Variants in PCDHA8 observed in about 807,000 individuals in gnomAD.
The protein encoded by PCDHA8 is protocadherin alpha-8.
In PCDHA8, 53 loss-of-function variants were observed where a neutral mutation model predicts 61.8. The ratio of observed to expected loss-of-function variants is 0.86; its 90% CI spans 0.69 to 1.08. The LOEUF is 1.08. Among genes scored for constraint, PCDHA8 ranks in the 50% least tolerant of loss-of-function variants. PCDHA8 has a pLI of 0.00. For synonymous variants in PCDHA8, 618 were observed against 556.6 expected, an observed-to-expected ratio of 1.11 and a Z score of -1.55; for missense variants, 1,293 against 1,245.0, an observed-to-expected ratio of 1.04 and a Z score of -0.58.
rs189094380 is a variant in PCDHA8 at position 140,918,016 on chromosome 5, T to C, written c.2395-60933T>C. Among the ~76,000 whole-genome samples the C allele has an allele frequency of 1.3e-4, 20 of 152,344 alleles. No individual in the cohort carries two copies. The East Asian group carries it at 3.9e-3, about 29-fold the overall frequency. ...TTATCTTAACAATGTTGTTTCTTCC[T>C]ACCCATGAGCGTGGAAGGTCTTTCC... On this transcript the variant is annotated intron_variant, in intron 1 of 3. Transcript: ENST00000531613.
chr5:140,989,681 A>C (rs1428237884), intron 3 of PCDHA8, among the ~76,000 whole-genome samples: 1 of 152,250 alleles, frequency 6.6e-6, no homozygotes, highest in Non-Finnish European at 1.5e-5. Flanking sequence ...CAGATTTCAA[A>C]GGAACGTGAA....
rs191873949 is a variant in PCDHA8 at position 140,855,986 on chromosome 5, G to T, written c.2394+12271G>T. On this transcript the variant is annotated intron_variant, in intron 1 of 3. Transcript: ENST00000531613. ...AGATATAAGAAATAGGACAGAAAATGTCAGATCGTATGTGCGTTCTAGACC... is the reference window on the plus strand; with the variant it reads ...AGATATAAGAAATAGGACAGAAAATTTCAGATCGTATGTGCGTTCTAGACC... The T allele has an allele frequency of 1.8e-5, 27 of 1,477,576 alleles. 1 individual carries two copies. Among genetic ancestry groups the T allele is most frequent in the South Asian group, 1.6e-4 (12 of 75,402 alleles). The allele number at this position is 1,477,576 out of a possible 1,614,324, so 91.5% of individuals were successfully genotyped here. A position where few individuals can be genotyped will look rare whatever the true frequency, so the allele number is the denominator to read the frequency against.
chr5:141,006,002 G>T (rs185630910), intron 3 of PCDHA8, among the ~76,000 whole-genome samples: 1 of 151,740 alleles, frequency 6.6e-6, no homozygotes, highest in East Asian at 1.9e-4. Context: ...CTGAAAGAAG[G>T]CCTGTATGGT....
intron 3 of PCDHA8, among the ~76,000 whole-genome samples, chr5:140,999,693 A>AT (rs202183337): frequency 0.011 from 1,632 of 151,520 alleles, 13 homozygotes; most frequent in Middle Eastern, 0.058. Flanking sequence ...AAGAAATGTG[A>AT]TTTTTTTTTA....
intron 1 of PCDHA8, among the ~76,000 whole-genome samples, chr5:140,932,118 A>C (rs2088050775): frequency 6.6e-6 from 1 of 151,946 alleles, no homozygotes; most frequent in African/African-American, 2.4e-5. Flanking sequence ...CCAATTGATA[A>C]TATTTAAGAT....
chr5:140,925,397 C>T (rs2082477792), intron 1 of PCDHA8, among the ~76,000 whole-genome samples: 1 of 152,048 alleles, frequency 6.6e-6, no homozygotes, highest in African/African-American at 2.4e-5. Flanking sequence ...TTTGGCTCGC[C>T]TCCTTCTTAG....
intron 1 of PCDHA8, among the ~76,000 whole-genome samples, chr5:140,912,376 G>A (rs2075897019): frequency 6.6e-6 from 1 of 151,474 alleles, no homozygotes; most frequent in African/African-American, 2.4e-5. Context: ...TTGTAAAAGG[G>A]ATTGAGTTCT....
chr5:141,003,540 T>A (rs2098129225), intron 3 of PCDHA8, among the ~76,000 whole-genome samples: 1 of 152,188 alleles, frequency 6.6e-6, no homozygotes, highest in Non-Finnish European at 1.5e-5. Flanking sequence ...CTTGAACTCC[T>A]GGCTTCAAGT....
At chr5:141,003,467 A>G (rs1262411574) in intron 3 of PCDHA8, among the ~76,000 whole-genome samples, 1 of 152,036 alleles carries the variant, frequency 6.6e-6, no homozygotes, top group Non-Finnish European at 1.5e-5. Context: ...GTGCACCACC[A>G]CAGTCTCGCT....
intron 1 of PCDHA8, chr5:140,862,693 T>C (rs2047494827): frequency 1.8e-6 from 1 of 555,404 alleles, no homozygotes; most frequent in African/African-American, 1.9e-5. Flanking sequence ...GTCCTACTCG[T>C]TGATGGAACA....
chr5:140,976,453 G>A (rs1554237653), intron 1 of PCDHA8, among the ~76,000 whole-genome samples: 1 of 152,032 alleles, frequency 6.6e-6, no homozygotes, highest in Admixed American at 6.6e-5. Flanking sequence ...AGGGAGGCTG[G>A]GGAAGAAGAA....
At position 140,850,713 on chromosome 5, in the gene PCDHA8, G is replaced by T. The variant is rs186966305; in HGVS notation, c.2394+6998G>T. 415 of 1,598,196 alleles carry T rather than the reference G, an allele frequency of 2.6e-4. 13 individuals are homozygous for T. The East Asian group carries it at 6.7e-3, about 26-fold the overall frequency. ...GTGCGCGCCTGGCAAGCCGACGCTGGTGTGTTCTAGCGCGGTGGGGAGTTG... is the reference window on the plus strand; with the variant it reads ...GTGCGCGCCTGGCAAGCCGACGCTGTTGTGTTCTAGCGCGGTGGGGAGTTG... On this transcript the variant is annotated intron_variant, in intron 1 of 3. Coordinates refer to ENST00000531613, the MANE Select transcript of PCDHA8 (RefSeq NM_018911.3).
intron 3 of PCDHA8, among the ~76,000 whole-genome samples, chr5:141,007,925 G>T (rs2098351885): frequency 1.3e-5 from 2 of 152,138 alleles, no homozygotes; most frequent in South Asian, 4.2e-4. Context: ...ATATAAGCTG[G>T]AATTCTAAGC....
chr5:140,929,283 G>C lies in PCDHA8; in HGVS notation c.2395-49666G>C, dbSNP rs782178876. On this transcript the variant is annotated intron_variant, in intron 1 of 3. Coordinates refer to ENST00000531613, the MANE Select transcript of PCDHA8 (RefSeq NM_018911.3). ...TGAATTTGCCAATATCCTGTATTCA[G>C]ATTCGGAATAGGAAAGGGGATCACG... 52 of 1,600,904 alleles carry C rather than the reference G, an allele frequency of 3.2e-5. No homozygotes were observed. The African/African-American group carries it at 6.7e-4, about 21-fold the overall frequency.
intron 1 of PCDHA8, chr5:140,929,073 T>C (rs782591499): frequency 1.9e-6 from 3 of 1,614,200 alleles, no homozygotes; most frequent in Non-Finnish European, 2.5e-6. Flanking sequence ...ATCTGAGGTA[T>C]GGAAGTAAGA....
chr5:140,898,338 C>G (rs2066670384), intron 1 of PCDHA8, among the ~76,000 whole-genome samples: 2 of 152,188 alleles, frequency 1.3e-5, no homozygotes, highest in African/African-American at 2.4e-5. Flanking sequence ...ACGTTTAAGT[C>G]TTTAATCCAT....
At chr5:140,894,506 A>G (rs533835142) in intron 1 of PCDHA8, among the ~76,000 whole-genome samples, 2 of 151,922 alleles carry the variant, frequency 1.3e-5, no homozygotes, top group Non-Finnish European at 2.9e-5. Flanking sequence ...GGCATTATCC[A>G]TAGTGTTTAT....
chr5:140,862,756 G>C (rs1027587772), intron 1 of PCDHA8: 46 of 577,592 alleles, frequency 8.0e-5, no homozygotes, highest in Non-Finnish European at 1.4e-4. Context: ...CGCGGAGAGC[G>C]GCAAGAGGTA....
intron 1 of PCDHA8, among the ~76,000 whole-genome samples, chr5:140,898,096 G>T (rs2066523889): frequency 6.6e-6 from 1 of 152,034 alleles, no homozygotes; most frequent in South Asian, 2.1e-4. Context: ...TTAGCCCTTT[G>T]TCAGATGAGT....
Sources: allele counts gnomAD v4.1 joint callset (sites outside exome capture counted in the v4.1 genomes callset), GRCh38; gene constraint gnomAD v4.1.1; transcripts MANE v1.5; gene names NCBI Gene and HGNC (gene_info 2026-07-23, HGNC 2026-07-21).